Variants in RANBP10 observed in about 807,000 individuals in gnomAD.
The protein encoded by RANBP10 is RAN binding protein 10, also known as ran-binding protein 10.
RANBP10 carries 24 observed loss-of-function variants against 72.8 expected under a neutral mutation model. The ratio of observed to expected loss-of-function variants is 0.33; its 90% CI spans 0.24 to 0.46. The LOEUF is 0.46. RANBP10 is among the 20% of genes least tolerant of loss of function. The pLI, the probability that RANBP10 is intolerant of heterozygous loss-of-function variation, is 1.00. For missense variants in RANBP10, 679 were observed against 817.5 expected, an observed-to-expected ratio of 0.83 and a Z score of 2.07; for synonymous variants, 310 against 322.3, an observed-to-expected ratio of 0.96 and a Z score of 0.41.
intron 2 of RANBP10, among the ~76,000 whole-genome samples, chr16:67,774,906 A>G (rs2054672889): frequency 6.6e-6 from 1 of 152,218 alleles, no homozygotes; most frequent in African/African-American, 2.4e-5. Context: ...ACACTAAAAA[A>G]CACGAATTGT....
rs181919915 is a variant in RANBP10, at chr16:67,787,088, A to C, written c.348-15002T>G. 2.2e-3 allele frequency among the ~76,000 whole-genome samples: 330 copies of C among 152,012 alleles called. 2 individuals carry two copies. Among genetic ancestry groups the C allele is most frequent in the Middle Eastern group, 0.01 (3 of 292 alleles). The stretch of plus-strand genomic sequence containing the variant: ...ACCCTGTCTCTACTAAAAATACAAA[A>C]ATTAGCCAGGCGTGGTGGCACATGC... On this transcript the variant is annotated intron_variant, in intron 2 of 13. Coordinates refer to ENST00000317506, the MANE Select transcript of RANBP10 (RefSeq NM_020850.3).
intron 3 of RANBP10, among the ~76,000 whole-genome samples, chr16:67,759,188 G>A (rs1297214350): frequency 6.6e-6 from 1 of 152,226 alleles, no homozygotes; most frequent in Non-Finnish European, 1.5e-5. Flanking sequence ...AGAACTACAA[G>A]GCCTGGGACG....
Position 67,726,563 on chromosome 16 carries a change from G to A in RANBP10, c.1733-5C>T, listed in dbSNP as rs2053605090. On this transcript the variant is annotated splice_region_variant and splice_polypyrimidine_tract_variant and intron_variant, in intron 13 of 13. Coordinates refer to ENST00000317506, the MANE Select transcript of RANBP10 (RefSeq NM_020850.3). ...GCTTTGGCAGGTTCTGGGACTCTGT[G>A]GAGGAAAGACAAGGCCTGGTCACTG... is the stretch of plus-strand genomic sequence containing the variant. 1 of 1,552,308 alleles carries A rather than the reference G, an allele frequency of 6.4e-7. No individual in the cohort carries two copies. The highest frequency in any genetic ancestry group is 8.7e-7 in the Non-Finnish European group (1 of 1,147,410).
chr16:67,771,991 G>A (rs1268602085), intron 3 of RANBP10, 43 bp downstream of exon 3: 1 of 1,585,290 alleles, frequency 6.3e-7, no homozygotes, highest in South Asian at 1.2e-5. Context: ...ACCCCAATTG[G>A]ATCAGGAGAG....
intron 2 of RANBP10, among the ~76,000 whole-genome samples, chr16:67,803,682 C>G (rs2055277086): frequency 6.8e-6 from 1 of 147,202 alleles, no homozygotes; most frequent in African/African-American, 2.5e-5. Context: ...ATTAGCCAGG[C>G]GTGGTGGCAT....
intron 2 of RANBP10, among the ~76,000 whole-genome samples, chr16:67,796,799 C>G (rs945971426): frequency 6.6e-6 from 1 of 152,196 alleles, no homozygotes; most frequent in Non-Finnish European, 1.5e-5. Flanking sequence ...CTATATAGTA[C>G]AGAGCATCTT....
At position 67,733,839 on chromosome 16, in the gene RANBP10, T is replaced by C. The variant is rs1172076875; in HGVS notation, c.776+1019A>G. Among the ~76,000 whole-genome samples, 3 of 152,110 alleles carry C rather than the reference T, an allele frequency of 2.0e-5. No individual in the cohort carries two copies. In the South Asian group the frequency reaches 6.2e-4, roughly 32 times the overall value. The stretch of plus-strand genomic sequence containing the variant: ...AAACCCCAAAACAAAAACACATCCA[T>C]GTGCTGAGCCTAGGCCCTGAAAACT... On this transcript the variant is annotated intron_variant, in intron 6 of 13. Coordinates refer to ENST00000317506, the MANE Select transcript of RANBP10 (RefSeq NM_020850.3).
chr16:67,767,055 G>A (rs1210838300), intron 3 of RANBP10, among the ~76,000 whole-genome samples: 1 of 152,206 alleles, frequency 6.6e-6, no homozygotes, highest in Non-Finnish European at 1.5e-5. Flanking sequence ...AAAGAGAAGT[G>A]CACCCATGAG....
intron 2 of RANBP10, among the ~76,000 whole-genome samples, chr16:67,784,639 A>G (rs1317534917): frequency 2.6e-5 from 4 of 151,910 alleles, no homozygotes; most frequent in Admixed American, 2.6e-4. Context: ...CTGGGCCACA[A>G]GAGTGAAACT....
intron 2 of RANBP10, among the ~76,000 whole-genome samples, chr16:67,796,520 ACT>A (rs1330258370): frequency 6.6e-6 from 1 of 151,874 alleles, no homozygotes; most frequent in Non-Finnish European, 1.5e-5. Flanking sequence ...TCATGATGAA[ACT>A]CTGACCAGTA....
At chr16:67,780,926 G>C (rs568527293) in intron 2 of RANBP10, among the ~76,000 whole-genome samples, 1 of 152,212 alleles carries the variant, frequency 6.6e-6, no homozygotes, top group South Asian at 2.1e-4. Flanking sequence ...TTGATGCCAC[G>C]CACACACATC....
intron 2 of RANBP10, among the ~76,000 whole-genome samples, chr16:67,783,709 C>T (rs889208193): frequency 2.0e-5 from 3 of 152,078 alleles, no homozygotes; most frequent in Non-Finnish European, 4.4e-5. Context: ...GATGCAAACC[C>T]AAGATGAGGA....
Position 67,806,301 on chromosome 16 carries a change from CCTT to C in RANBP10, c.233_235del (p.Lys78_Gly79delinsSer). 6.2e-7 allele frequency: 1 copy of C among 1,610,500 alleles called. No homozygotes were observed. The highest frequency in any genetic ancestry group is 8.5e-7 in the Non-Finnish European group (1 of 1,178,326). ...TTCCCCCCAGCCTGACGGGCCGATA[CCTT>C]TGTAGTGGACGCGGAGGTTGCCCTG... On this transcript the variant is annotated inframe_deletion and splice_region_variant, in exon 1 of 14. Coordinates refer to ENST00000317506, the MANE Select transcript of RANBP10 (RefSeq NM_020850.3).
At chr16:67,787,552 T>C (rs2054938804) in intron 2 of RANBP10, among the ~76,000 whole-genome samples, 1 of 151,992 alleles carries the variant, frequency 6.6e-6, no homozygotes, top group South Asian at 2.1e-4. Context: ...GAACTGAAAA[T>C]AGGAACTCAA....
rs555766455 is a variant in RANBP10, at chr16:67,781,989, C to T, written c.348-9903G>A. Reference sequence around the variant, plus strand: ...CCCGAGCAAGGGGGTCCACCCAGCCCTGCCACCCGAGCTCAAGTCTGCTGA... The same window carrying T: ...CCCGAGCAAGGGGGTCCACCCAGCCTTGCCACCCGAGCTCAAGTCTGCTGA... On this transcript the variant is annotated intron_variant, in intron 2 of 13. Transcript: ENST00000317506. Among the ~76,000 whole-genome samples, 12 of 152,280 alleles carry T rather than the reference C, an allele frequency of 7.9e-5. No homozygotes were observed. The South Asian group carries it at 2.5e-3, about 32-fold the overall frequency.
In RANBP10 at chr16:67,803,060, A is replaced by C. The variant is rs574780378; in HGVS notation, c.347+2368T>G. 7.9e-5 allele frequency among the ~76,000 whole-genome samples: 12 copies of C among 152,326 alleles called. No homozygotes were observed. In the South Asian group the frequency reaches 2.3e-3, roughly 29 times the overall value. ...GGCAGTATGAGACTCCAGCACCACC[A>C]TTTTAGTCAACATTATTTTCAAGGT... is the stretch of plus-strand genomic sequence containing the variant. On this transcript the variant is annotated intron_variant, in intron 2 of 13. Coordinates refer to ENST00000317506, the MANE Select transcript of RANBP10 (RefSeq NM_020850.3).
At chr16:67,794,831 A>C (rs1246246401) in intron 2 of RANBP10, among the ~76,000 whole-genome samples, 2 of 150,618 alleles carry the variant, frequency 1.3e-5, no homozygotes, top group African/African-American at 4.9e-5. Flanking sequence ...CCTAAAAAAA[A>C]TCCTACATAT....
intron 3 of RANBP10, among the ~76,000 whole-genome samples, chr16:67,769,258 C>G (rs1567699049): frequency 1.3e-5 from 2 of 150,686 alleles, no homozygotes; most frequent in African/African-American, 2.4e-5. Context: ...TCTGGGCAAC[C>G]TGGTGAAACC....
At chr16:67,772,171 A>G in intron 2 of RANBP10, 85 bp from the exon 3 acceptor site, 1 of 1,431,406 alleles carries the variant, frequency 7.0e-7, no homozygotes, top group Non-Finnish European at 9.6e-7. Flanking sequence ...TATTGGTAAA[A>G]GACAGAAAAA....
Sources: allele counts gnomAD v4.1 joint callset (sites outside exome capture counted in the v4.1 genomes callset), GRCh38; gene constraint gnomAD v4.1.1; transcripts MANE v1.5; gene names NCBI Gene and HGNC (gene_info 2026-07-23, HGNC 2026-07-21).